ROBO2: variants seen among roughly 807,000 people sequenced by gnomAD.
ROBO2 encodes roundabout homolog 2.
A neutral mutation model predicts 160.8 loss-of-function variants in ROBO2; 53 were observed. That is an observed-to-expected ratio of 0.33 (90% CI 0.26 to 0.41). The LOEUF (loss-of-function observed/expected upper bound fraction) is 0.41, where lower values mean the gene tolerates loss of function less well. ROBO2 is among the 10% of genes least tolerant of loss of function. The pLI, the probability that ROBO2 is intolerant of heterozygous loss-of-function variation, is 1.00. For synonymous variants in ROBO2, 664 were observed against 611.7 expected (o/e 1.09, Z -1.26); for missense variants, 1,577 against 1,722.4 (o/e 0.92, Z 1.49).
At chr3:77,158,082 C>A (rs2078170430) in intron 2 of ROBO2, among the ~76,000 whole-genome samples, 1 of 152,074 alleles carries the variant, frequency 6.6e-6, no homozygotes, top group South Asian at 2.1e-4. Context: ...TAAAAGGATA[C>A]TTTAGAGCTG....
chr3:75,983,483 T>C (rs976198359), intron 2 of ROBO2, among the ~76,000 whole-genome samples: 2 of 151,436 alleles, frequency 1.3e-5, no homozygotes, highest in African/African-American at 2.4e-5. Flanking sequence ...AAGGTAAAGA[T>C]AGTAACAGAG....
chr3:77,025,186 T>A (rs904876884), intron 2 of ROBO2, among the ~76,000 whole-genome samples: 1 of 152,200 alleles, frequency 6.6e-6, no homozygotes, highest in Non-Finnish European at 1.5e-5. Context: ...TCAATTTTTA[T>A]TATTAGGCAT....
At chr3:77,292,177 C>T (rs551588316) in intron 2 of ROBO2, among the ~76,000 whole-genome samples, 11 of 150,260 alleles carry the variant, frequency 7.3e-5, no homozygotes, top group Admixed American at 3.3e-4. Flanking sequence ...GGCTAGATCA[C>T]GCCAGACATA....
At chr3:77,172,111 T>G (rs2079695725) in intron 2 of ROBO2, among the ~76,000 whole-genome samples, 1 of 152,182 alleles carries the variant, frequency 6.6e-6, no homozygotes, top group South Asian at 2.1e-4. Context: ...TTTTGTTCTG[T>G]AGGAATTAGT....
At chr3:76,204,481 C>A (rs780739402) in intron 2 of ROBO2, among the ~76,000 whole-genome samples, 3 of 152,094 alleles carry the variant, frequency 2.0e-5, no homozygotes, top group African/African-American at 4.8e-5. Context: ...TGTTTAAAAT[C>A]GACTCTTCTT....
intron 2 of ROBO2, among the ~76,000 whole-genome samples, chr3:76,486,656 C>A (rs993419828): frequency 1.3e-5 from 2 of 152,016 alleles, no homozygotes; most frequent in Admixed American, 6.6e-5. Flanking sequence ...ATTAGAAAAA[C>A]CAAAATAAAT....
intron 2 of ROBO2, among the ~76,000 whole-genome samples, chr3:76,855,967 C>A (rs1045059515): frequency 6.6e-6 from 1 of 152,186 alleles, no homozygotes; most frequent in Non-Finnish European, 1.5e-5. Context: ...CCATGCTGAG[C>A]ATTTCCATTC....
At chr3:76,229,676 C>T (rs1479395216) in intron 2 of ROBO2, among the ~76,000 whole-genome samples, 1 of 151,938 alleles carries the variant, frequency 6.6e-6, no homozygotes, top group Admixed American at 6.6e-5. Context: ...TTTGTTTTGT[C>T]CTATTTATCC....
At chr3:77,074,928 T>C (rs2067805772) in intron 1 of ROBO2, among the ~76,000 whole-genome samples, 1 of 152,182 alleles carries the variant, frequency 6.6e-6, no homozygotes, top group South Asian at 2.1e-4. Flanking sequence ...AAGAAAGACC[T>C]AAAGATGGCA....
At position 77,146,924 on chromosome 3, in the gene ROBO2, G is replaced by A. The variant is rs371738372; in HGVS notation, c.388+48584G>A. Reference sequence around the variant, plus strand: ...GGAGGTTGCGGTGAGCCAAAATTACGCCACTGCACTCCAACCTGGGTGACA... The same window carrying A: ...GGAGGTTGCGGTGAGCCAAAATTACACCACTGCACTCCAACCTGGGTGACA... On this transcript the variant is annotated intron_variant, in intron 2 of 25. Coordinates refer to ENST00000461745, the Ensembl canonical transcript of ROBO2. Among the ~76,000 whole-genome samples the A allele has an allele frequency of 5.8e-4, 89 of 152,138 alleles. 1 individual carries two copies. In the East Asian group the frequency reaches 0.014, roughly 24 times the overall value.
intron 2 of ROBO2, among the ~76,000 whole-genome samples, chr3:76,047,344 T>C (rs1399014799): frequency 6.6e-6 from 1 of 152,204 alleles, no homozygotes. Context: ...TTAAGGATAA[T>C]ATTTGATCCT....
At chr3:76,900,448 G>A (rs1167028366) in intron 2 of ROBO2, among the ~76,000 whole-genome samples, 1 of 152,114 alleles carries the variant, frequency 6.6e-6, no homozygotes, top group African/African-American at 2.4e-5. Flanking sequence ...TGCACGATGA[G>A]GAAGTTGGGC....
chr3:76,349,742 C>T (rs1053011186), intron 2 of ROBO2, among the ~76,000 whole-genome samples: 2 of 152,082 alleles, frequency 1.3e-5, no homozygotes, highest in African/African-American at 4.8e-5. Context: ...TTATTACTCA[C>T]AGCAATAGTA....
intron 1 of ROBO2, among the ~76,000 whole-genome samples, chr3:77,065,714 A>T (rs2066770131): frequency 6.6e-6 from 1 of 152,176 alleles, no homozygotes; most frequent in African/African-American, 2.4e-5. Context: ...TATTGTTTGC[A>T]TTAGTAATTA....
At chr3:76,452,637 G>C (rs931742538) in intron 2 of ROBO2, among the ~76,000 whole-genome samples, 1 of 152,056 alleles carries the variant, frequency 6.6e-6, no homozygotes, top group Admixed American at 6.6e-5. Context: ...ATATACATAC[G>C]TGTGCCTGTG....
intron 2 of ROBO2, among the ~76,000 whole-genome samples, chr3:76,379,924 A>T (rs534953757): frequency 1.3e-5 from 2 of 152,188 alleles, no homozygotes; most frequent in Non-Finnish European, 2.9e-5. Flanking sequence ...CTTTTGTCTC[A>T]TGTGTTTATT....
chr3:76,798,814 G>A (rs1375524006), intron 2 of ROBO2, among the ~76,000 whole-genome samples: 1 of 151,980 alleles, frequency 6.6e-6, no homozygotes, highest in Admixed American at 6.6e-5. Context: ...AATTGGTTGA[G>A]ACTGGAAAGT....
intron 2 of ROBO2, among the ~76,000 whole-genome samples, chr3:76,337,315 G>A (rs944044625): frequency 1.1e-4 from 17 of 152,240 alleles, no homozygotes; most frequent in African/African-American, 3.8e-4. Flanking sequence ...CTCCCCTGCT[G>A]TAATAATACG....
intron 2 of ROBO2, among the ~76,000 whole-genome samples, chr3:77,382,362 T>TTAA (rs1553931090): frequency 2.1e-4 from 32 of 149,068 alleles, no homozygotes; most frequent in East Asian, 5.9e-4. Context: ...TTTTTTTTTT[T>TTAA]AAAAAGTCTT....
Sources: allele counts gnomAD v4.1 joint callset (sites outside exome capture counted in the v4.1 genomes callset), GRCh38; gene constraint gnomAD v4.1.1; transcripts MANE v1.5; gene names NCBI Gene and HGNC (gene_info 2026-07-23, HGNC 2026-07-21).